The following UBE2E2 variants were observed in gnomAD, a reference collection of about 807,000 sequenced individuals.
UBE2E2 encodes ubiquitin conjugating enzyme E2 E2.
UBE2E2 carries 6 observed loss-of-function variants against 24.7 expected under a neutral mutation model. The observed-to-expected ratio is 0.24, with a 90% CI of 0.13 to 0.48. The LOEUF is 0.48. UBE2E2 is among the 20% of genes least tolerant of loss of function. The pLI, the probability that UBE2E2 is intolerant of heterozygous loss-of-function variation, is 0.99. For missense variants in UBE2E2, 169 were observed against 245.0 expected, an observed-to-expected ratio of 0.69 and a Z score of 2.07; for synonymous variants, 104 against 83.6, an observed-to-expected ratio of 1.24 and a Z score of -1.33.
intron 5 of UBE2E2, among the ~76,000 whole-genome samples, chr3:23,544,571 G>A (rs1695473504): frequency 6.6e-6 from 1 of 152,220 alleles, no homozygotes; most frequent in Admixed American, 6.5e-5. Flanking sequence ...TGGATGTGGT[G>A]TGAAGGGAAT....
At chr3:23,548,712 A>G (rs967830070) in intron 5 of UBE2E2, among the ~76,000 whole-genome samples, 5 of 152,084 alleles carry the variant, frequency 3.3e-5, no homozygotes, top group East Asian at 1.9e-4. Context: ...CCTTAACTTC[A>G]TTTAACCTTG....
chr3:23,374,108 A>T (rs1430010630), intron 3 of UBE2E2, among the ~76,000 whole-genome samples: 9 of 152,208 alleles, frequency 5.9e-5, no homozygotes, highest in Non-Finnish European at 1.5e-5. Flanking sequence ...ATATAATGGT[A>T]TAAAATCTTT....
chr3:23,304,033 C>T (rs1192585353), intron 3 of UBE2E2, among the ~76,000 whole-genome samples: 2 of 152,306 alleles, frequency 1.3e-5, no homozygotes, highest in African/African-American at 2.4e-5. Context: ...CTTTAGTCCA[C>T]GACTGTTGGG....
intron 4 of UBE2E2, among the ~76,000 whole-genome samples, chr3:23,524,424 C>A (rs940408231): frequency 6.6e-6 from 1 of 152,130 alleles, no homozygotes; most frequent in South Asian, 2.1e-4. Context: ...CTATTAGAAC[C>A]ATTTGTGTAC....
rs888436864 is a variant in UBE2E2, at chr3:23,590,407, C to G, written c.*576C>G. 2 of 152,704 alleles carry G rather than the reference C, an allele frequency of 1.3e-5. No individual in the cohort carries two copies. Among genetic ancestry groups the G allele is most frequent in the Non-Finnish European group, 2.9e-5 (2 of 68,110 alleles). The allele number at this position is 152,704 out of a possible 1,614,324, so 9.5% of individuals were successfully genotyped here. A position where few individuals can be genotyped will look rare whatever the true frequency, so the allele number is the denominator to read the frequency against. On this transcript the variant is annotated 3_prime_UTR_variant, in exon 6 of 6. Coordinates refer to ENST00000396703, the MANE Select transcript of UBE2E2 (RefSeq NM_152653.4). ...TGCATTACTGAGACTCTGTTTATCACTAGCCTTCTGTCCCTCCCGCAGAAG... is the reference window on the plus strand; with the variant it reads ...TGCATTACTGAGACTCTGTTTATCAGTAGCCTTCTGTCCCTCCCGCAGAAG...
rs536468012 is a variant in UBE2E2 at position 23,420,999 on chromosome 3, G to A, written c.228-78609G>A. Among the ~76,000 whole-genome samples the A allele has an allele frequency of 2.6e-5, 4 of 152,288 alleles. No individual in the cohort carries two copies. In the South Asian group the frequency reaches 6.2e-4, roughly 24 times the overall value. Reference sequence around the variant, plus strand: ...CCTTTTACTCTCAAATCATAAAAACGAAAGTTATAGGAGGGAAGATTTGAC... The same window carrying A: ...CCTTTTACTCTCAAATCATAAAAACAAAAGTTATAGGAGGGAAGATTTGAC... On this transcript the variant is annotated intron_variant, in intron 3 of 5. Coordinates refer to ENST00000396703, the MANE Select transcript of UBE2E2 (RefSeq NM_152653.4).
chr3:23,248,090 AGT>A lies in UBE2E2; in HGVS notation c.227+30781_227+30782del, dbSNP rs1697462746. Among the ~76,000 whole-genome samples, 4 of 152,234 alleles carry A rather than the reference AGT, an allele frequency of 2.6e-5. No homozygotes were observed. The South Asian group carries it at 8.3e-4, about 32-fold the overall frequency. On this transcript the variant is annotated intron_variant, in intron 3 of 5. Coordinates refer to ENST00000396703, the MANE Select transcript of UBE2E2 (RefSeq NM_152653.4). The stretch of plus-strand genomic sequence containing the variant: ...CGTCCTCATTTTTCACTATTGCAAA[AGT>A]GTAGATCATGATGCCCATCTTTTTT...
intron 5 of UBE2E2, among the ~76,000 whole-genome samples, chr3:23,588,946 T>C (rs1297418170): frequency 6.6e-6 from 1 of 152,192 alleles, no homozygotes; most frequent in African/African-American, 2.4e-5. Flanking sequence ...TCCCCTCTTT[T>C]GACTGTCCAG....
intron 3 of UBE2E2, among the ~76,000 whole-genome samples, chr3:23,466,761 G>T (rs1441548843): frequency 6.6e-6 from 1 of 151,822 alleles, no homozygotes; most frequent in Non-Finnish European, 1.5e-5. Flanking sequence ...TAGAGACAGG[G>T]TTTCACCATA....
intron 3 of UBE2E2, among the ~76,000 whole-genome samples, chr3:23,342,010 T>C (rs1312830184): frequency 6.6e-6 from 1 of 152,206 alleles, no homozygotes; most frequent in African/African-American, 2.4e-5. Context: ...ATTTGTTGAT[T>C]TCTTGCCCAA....
At chr3:23,220,365 G>A (rs73033545) in intron 3 of UBE2E2, among the ~76,000 whole-genome samples, 48,505 of 151,916 alleles carry the variant, frequency 0.32, 8,058 homozygotes, top group African/African-American at 0.37. Flanking sequence ...GGTTAAATAT[G>A]TCATCCTTTT....
chr3:23,556,454 T>TAAAAAAAAAAAAAAAAAAAAAA lies in UBE2E2; in HGVS notation c.508+23771_508+23772insAAAAAAAAAAAAAAAAAAAAAA, dbSNP rs5847239. On this transcript the variant is annotated intron_variant, in intron 5 of 5. Transcript: ENST00000396703. ...CCATGCCCAGCCAATAAAATTTATT[T>TAAAAAAAAAAAAAAAAAAAAAA]AAAAAAAAAAAAAAAAAAGCTATAC... Among the ~76,000 whole-genome samples, 44 of 94,298 alleles carry TAAAAAAAAAAAAAAAAAAAAAA rather than the reference T, an allele frequency of 4.7e-4. 1 individual carries two copies. Among genetic ancestry groups the TAAAAAAAAAAAAAAAAAAAAAA allele is most frequent in the African/African-American group, 9.5e-4 (21 of 22,186 alleles). 61.9% of individuals were successfully genotyped at this position (94,298 alleles called of 152,430 possible). A position where few individuals can be genotyped will look rare whatever the true frequency, so the allele number is the denominator to read the frequency against.
At chr3:23,249,507 A>G (rs1697512220) in intron 3 of UBE2E2, among the ~76,000 whole-genome samples, 1 of 152,192 alleles carries the variant, frequency 6.6e-6, no homozygotes, top group Non-Finnish European at 1.5e-5. Context: ...ACTGGAAACA[A>G]TTGGGAAGCA....
chr3:23,293,936 C>T (rs1340855047), intron 3 of UBE2E2, among the ~76,000 whole-genome samples: 2 of 152,108 alleles, frequency 1.3e-5, no homozygotes, highest in Admixed American at 6.5e-5. Context: ...CACAGCATAG[C>T]GAGCTCTTTG....
At chr3:23,212,063 T>C (rs763335199) in intron 2 of UBE2E2, among the ~76,000 whole-genome samples, 7 of 152,246 alleles carry the variant, frequency 4.6e-5, no homozygotes, top group Non-Finnish European at 1.0e-4. Context: ...TGAAATGTAC[T>C]ATAATTGTAG....
At chr3:23,496,947 A>G (rs1699614459) in intron 3 of UBE2E2, among the ~76,000 whole-genome samples, 1 of 152,234 alleles carries the variant, frequency 6.6e-6, no homozygotes, top group Admixed American at 6.5e-5. Flanking sequence ...CTTACTCATA[A>G]CATAAACATT....
chr3:23,566,906 A>G (rs1696087453), intron 5 of UBE2E2, among the ~76,000 whole-genome samples: 3 of 152,198 alleles, frequency 2.0e-5, no homozygotes, highest in South Asian at 2.1e-4. Flanking sequence ...GGAAAGGCCA[A>G]GAGATATCTG....
intron 3 of UBE2E2, among the ~76,000 whole-genome samples, chr3:23,460,999 A>G (rs1698794871): frequency 6.6e-6 from 1 of 152,200 alleles, no homozygotes; most frequent in Non-Finnish European, 1.5e-5. Flanking sequence ...TTTTATAGAT[A>G]AGGAAACAGA....
At chr3:23,361,603 C>G (rs115215343) in intron 3 of UBE2E2, among the ~76,000 whole-genome samples, 2 of 152,140 alleles carry the variant, frequency 1.3e-5, no homozygotes, top group African/African-American at 2.4e-5. Context: ...TCTATGTTCT[C>G]ATTTGTAAGT....
Sources: allele counts gnomAD v4.1 joint callset (sites outside exome capture counted in the v4.1 genomes callset), GRCh38; gene constraint gnomAD v4.1.1; transcripts MANE v1.5; gene names NCBI Gene and HGNC (gene_info 2026-07-23, HGNC 2026-07-21).